Variants in CDH18 observed in about 807,000 individuals in gnomAD.
CDH18 encodes cadherin-18.
A neutral mutation model predicts 67.9 loss-of-function variants in CDH18; 31 were observed. That is an observed-to-expected ratio of 0.46 (90% CI 0.34 to 0.62). The LOEUF (loss-of-function observed/expected upper bound fraction) is 0.62. Ranked by LOEUF, CDH18 falls within the 20% of genes least tolerant of loss-of-function variation. CDH18 has a pLI of 0.01. For missense variants in CDH18, 890 were observed against 975.5 expected, an observed-to-expected ratio of 0.91 and a Z score of 1.17; for synonymous variants, 362 against 347.2, an observed-to-expected ratio of 1.04 and a Z score of -0.48.
At chr5:20,299,029 C>T (rs558940913) in intron 1 of CDH18, among the ~76,000 whole-genome samples, 3 of 152,058 alleles carry the variant, frequency 2.0e-5, no homozygotes, top group Non-Finnish European at 2.9e-5. Context: ...GTTGGAAAAA[C>T]GCAATGTAAA....
intron 2 of CDH18, among the ~76,000 whole-genome samples, chr5:20,094,620 G>T (rs1054675338): frequency 7.2e-5 from 11 of 152,016 alleles, no homozygotes; most frequent in African/African-American, 2.4e-4. Context: ...CCATTTCTTT[G>T]TGTCCTCTCT....
At chr5:20,325,390 T>C (rs1228160984) in intron 1 of CDH18, among the ~76,000 whole-genome samples, 3 of 152,180 alleles carry the variant, frequency 2.0e-5, no homozygotes. Flanking sequence ...TGTCTCCTTT[T>C]TCAAAAACTT....
intron 5 of CDH18, among the ~76,000 whole-genome samples, chr5:19,635,910 A>G (rs1753080919): frequency 6.6e-6 from 1 of 152,150 alleles, no homozygotes; most frequent in African/African-American, 2.4e-5. Context: ...CATTCCTGTT[A>G]ATTTTTCTTC....
At chr5:20,056,680 C>CTTTTTTTT (rs397758122) in intron 2 of CDH18, among the ~76,000 whole-genome samples, 12 of 70,030 alleles carry the variant, frequency 1.7e-4, no homozygotes, top group Admixed American at 2.1e-4. Context: ...TCTATATTCT[C>CTTTTTTTT]TTTTTTTTTT....
intron 9 of CDH18, among the ~76,000 whole-genome samples, chr5:19,536,005 C>T (rs1749355245): frequency 6.6e-6 from 1 of 152,068 alleles, no homozygotes; most frequent in African/African-American, 2.4e-5. Context: ...TGTAGTGAAT[C>T]ATGAAGTTGT....
intron 6 of CDH18, among the ~76,000 whole-genome samples, chr5:19,598,444 G>GA (rs1369639639): frequency 3.3e-5 from 5 of 151,760 alleles, no homozygotes; most frequent in Non-Finnish European, 7.4e-5. Flanking sequence ...AAACTATTTG[G>GA]AAAATTTAAA....
chr5:19,707,225 C>T (rs1040554725), intron 5 of CDH18, among the ~76,000 whole-genome samples: 9 of 152,100 alleles, frequency 5.9e-5, no homozygotes, highest in African/African-American at 1.7e-4. Context: ...CCAACTGTCA[C>T]GAGCAACACC....
intron 2 of CDH18, among the ~76,000 whole-genome samples, chr5:20,019,972 T>A (rs928155505): frequency 2.0e-5 from 3 of 152,146 alleles, no homozygotes; most frequent in Non-Finnish European, 4.4e-5. Context: ...CCTGAGGTAG[T>A]CTCAGATAGA....
At chr5:19,989,954 C>T (rs192177160), upstream of CDH18, among the ~76,000 whole-genome samples, 44 of 152,188 alleles carry the variant, frequency 2.9e-4, no homozygotes, top group African/African-American at 7.7e-4. Context: ...AAAAGTGGAA[C>T]GGAAACAGCA....
chr5:20,039,085 C>T (rs1252579917), intron 2 of CDH18, among the ~76,000 whole-genome samples: 2 of 56,844 alleles, frequency 3.5e-5, no homozygotes, highest in East Asian at 3.2e-4. Flanking sequence ...GAGTGAACTC[C>T]CATTCGCAAT....
chr5:20,363,718 A>ACT (rs111588229), intron 1 of CDH18, among the ~76,000 whole-genome samples: 62 of 147,662 alleles, frequency 4.2e-4, no homozygotes, highest in African/African-American at 1.4e-3. Flanking sequence ...AGCAAAGTTA[A>ACT]TTTTTTTTTT....
chr5:20,149,202 T>G (rs1561831098), intron 2 of CDH18, among the ~76,000 whole-genome samples: 1 of 152,210 alleles, frequency 6.6e-6, no homozygotes, highest in Non-Finnish European at 1.5e-5. Flanking sequence ...TAAATACTTG[T>G]GGCTCAAAAT....
Position 19,810,640 on chromosome 5 carries a change from A to C in CDH18, c.228+28119T>G, listed in dbSNP as rs568072875. On this transcript the variant is annotated intron_variant, in intron 3 of 12. Coordinates refer to ENST00000382275, the MANE Select transcript of CDH18 (RefSeq NM_004934.5). ...GTAATTAAGTAAATATAATATACTT[A>C]ATTATATTTTTCTAATTAGGTGTAA... is the stretch of plus-strand genomic sequence containing the variant. Among the ~76,000 whole-genome samples, 69 of 152,140 alleles carry C rather than the reference A, an allele frequency of 4.5e-4. 1 individual carries two copies. Among genetic ancestry groups the C allele is most frequent in the African/African-American group, 1.6e-3 (67 of 41,560 alleles).
chr5:20,559,845 T>G (rs571776779), intron 1 of CDH18, among the ~76,000 whole-genome samples: 1 of 152,268 alleles, frequency 6.6e-6, no homozygotes, highest in East Asian at 1.9e-4. Context: ...AAAAGTTTGT[T>G]GCATGCCTTC....
intron 2 of CDH18, among the ~76,000 whole-genome samples, chr5:20,237,399 C>T (rs1211129421): frequency 6.6e-6 from 1 of 151,784 alleles, no homozygotes; most frequent in Non-Finnish European, 1.5e-5. Flanking sequence ...TTTTTTTCCA[C>T]AGGTGAAATG....
intron 1 of CDH18, among the ~76,000 whole-genome samples, chr5:20,534,263 C>T (rs1453708185): frequency 6.6e-6 from 1 of 151,948 alleles, no homozygotes; most frequent in Non-Finnish European, 1.5e-5. Context: ...TTCTTTAACA[C>T]ATATATGAAC....
chr5:19,514,799 C>T (rs1458431835), intron 10 of CDH18, among the ~76,000 whole-genome samples: 2 of 152,148 alleles, frequency 1.3e-5, no homozygotes, highest in Admixed American at 6.5e-5. Flanking sequence ...TGTAGGTTGC[C>T]TGTTCACTCT....
chr5:20,304,574 A>T, intron 1 of CDH18: 1 of 1,610,924 alleles, frequency 6.2e-7, no homozygotes, highest in Non-Finnish European at 8.5e-7. Flanking sequence ...GAGAATGAAA[A>T]TCCAGTCAGG....
At chr5:20,288,996 A>G (rs987644864) in intron 1 of CDH18, among the ~76,000 whole-genome samples, 4 of 151,590 alleles carry the variant, frequency 2.6e-5, no homozygotes, top group Middle Eastern at 6.8e-3. Flanking sequence ...GCAATGTAGT[A>G]AGAATTCTTT....
Sources: allele counts gnomAD v4.1 joint callset (sites outside exome capture counted in the v4.1 genomes callset), GRCh38; gene constraint gnomAD v4.1.1; transcripts MANE v1.5; gene names NCBI Gene and HGNC (gene_info 2026-07-23, HGNC 2026-07-21).